PHF20: variants seen among roughly 807,000 people sequenced by gnomAD.
PHF20 encodes PHD finger protein 20, also known as glioma-expressed antigen 2.
PHF20 carries 23 observed loss-of-function variants against 113.5 expected under a neutral mutation model. That is an observed-to-expected ratio of 0.20 (90% CI 0.15 to 0.29). The LOEUF is 0.29. Ranked by LOEUF, PHF20 falls within the 10% of genes least tolerant of loss-of-function variation. PHF20 has a pLI of 1.00. For synonymous variants in PHF20, 434 were observed against 457.3 expected, an observed-to-expected ratio of 0.95 and a Z score of 0.65; for missense variants, 943 against 1,219.6, an observed-to-expected ratio of 0.77 and a Z score of 3.38.
chr20:35,811,657 T>G (rs2041979871), intron 2 of PHF20, among the ~76,000 whole-genome samples: 1 of 152,042 alleles, frequency 6.6e-6, no homozygotes, highest in Admixed American at 6.6e-5. Context: ...TTAGGCTGGT[T>G]GAGAACTCCT....
chr20:35,946,508 G>A (rs940775268), intron 17 of PHF20, among the ~76,000 whole-genome samples: 8 of 151,886 alleles, frequency 5.3e-5, no homozygotes, highest in African/African-American at 1.7e-4. Flanking sequence ...TGATGATTGC[G>A]TATCAATCAG....
chr20:35,776,005 T>C (rs1191132440), intron 1 of PHF20, among the ~76,000 whole-genome samples: 2 of 152,106 alleles, frequency 1.3e-5, no homozygotes, highest in African/African-American at 4.8e-5. Flanking sequence ...AGATGAGATC[T>C]TGCCATTTTG....
intron 3 of PHF20, among the ~76,000 whole-genome samples, chr20:35,843,012 G>A (rs1268970639): frequency 6.6e-6 from 1 of 152,028 alleles, no homozygotes; most frequent in Non-Finnish European, 1.5e-5. Flanking sequence ...GGGTTCAAGC[G>A]ATTCTCGTGC....
intron 4 of PHF20, among the ~76,000 whole-genome samples, chr20:35,857,835 C>T (rs551672439): frequency 2.0e-5 from 3 of 152,206 alleles, no homozygotes; most frequent in East Asian, 3.9e-4. Context: ...CCGCCTGCCT[C>T]GGCCTCCCAA....
Position 35,801,573 on chromosome 20 carries a change from C to G in PHF20, c.51C>G (p.Ala17=), listed in dbSNP as rs1212867325. 2 of 1,613,658 alleles carry G rather than the reference C, an allele frequency of 1.2e-6. No homozygotes were observed. The highest frequency in any genetic ancestry group is 8.5e-7 in the Non-Finnish European group (1 of 1,179,694). Residue 17 remains alanine (A), a synonymous_variant, in exon 2 of 18, where the codon GCC becomes GCG. Coordinates refer to ENST00000374012, the MANE Select transcript of PHF20 (RefSeq NM_016436.5). ...GAGGAATCAGCTTTGAAGTGGGAGC[C>G]CAGTTGGAAGCCCGGGACCGTTTAA... is the stretch of plus-strand genomic sequence containing the variant. ...NRRGISFEVG[A]QLEARDRLKN...
At chr20:35,813,375 A>C (rs2042011574) in intron 2 of PHF20, among the ~76,000 whole-genome samples, 1 of 152,132 alleles carries the variant, frequency 6.6e-6, no homozygotes, top group African/African-American at 2.4e-5. Flanking sequence ...ATTATCCCAA[A>C]TTTGTCCAGT....
chr20:35,796,438 A>G (rs1317627891), intron 1 of PHF20, among the ~76,000 whole-genome samples: 1 of 152,034 alleles, frequency 6.6e-6, no homozygotes, highest in Non-Finnish European at 1.5e-5. Flanking sequence ...CCTGGACTGT[A>G]TTCTTCAGCT....
At chr20:35,832,551 T>C (rs1028805858) in intron 2 of PHF20, among the ~76,000 whole-genome samples, 47 of 152,098 alleles carry the variant, frequency 3.1e-4, no homozygotes, top group Non-Finnish European at 5.3e-4. Context: ...TGGGGGCTAC[T>C]TGAGATAGTG....
chr20:35,792,777 A>G (rs2041582994), intron 1 of PHF20, among the ~76,000 whole-genome samples: 1 of 152,092 alleles, frequency 6.6e-6, no homozygotes, highest in Non-Finnish European at 1.5e-5. Context: ...GTATACCACC[A>G]TTGCCATCAC....
chr20:35,927,959 C>T, intron 14 of PHF20, 80 bp downstream of exon 14: 1 of 994,522 alleles, frequency 1.0e-6, no homozygotes, highest in Non-Finnish European at 1.6e-6. Flanking sequence ...TTCTAAATGT[C>T]TGCGGTCTTG....
rs2054414336 is a variant in PHF20, at chr20:35,871,132, A to G, written c.1100A>G (p.Glu367Gly). Residue 367 changes from glutamate (E) to glycine (G), a missense_variant and splice_region_variant, in exon 8 of 18, where the codon GAA becomes GGA. This residue lies in a region of PHF20 where 592 missense variants were observed against 787.2 expected (regional missense o/e 0.75). Coordinates refer to ENST00000374012, the MANE Select transcript of PHF20 (RefSeq NM_016436.5). ...TTGTCTAGTACCAAGGAATCTGAAGAAGGTGAGTCAGTCTGTTCAGGAATT... is the reference window on the plus strand; with the variant it reads ...TTGTCTAGTACCAAGGAATCTGAAGGAGGTGAGTCAGTCTGTTCAGGAATT... Reference protein sequence around the residue: ...DTLSSTKESEEGQLKSALEAG... With the variant: ...DTLSSTKESEGGQLKSALEAG... 1 of 1,607,034 alleles carries G rather than the reference A, an allele frequency of 6.2e-7. No individual in the cohort carries two copies. The highest frequency in any genetic ancestry group is 8.5e-7 in the Non-Finnish European group (1 of 1,178,288).
chr20:35,854,888 C>T (rs1165514644), intron 4 of PHF20, among the ~76,000 whole-genome samples: 1 of 152,162 alleles, frequency 6.6e-6, no homozygotes, highest in Non-Finnish European at 1.5e-5. Context: ...AGTCCTCCTT[C>T]TGGAATCTGC....
At chr20:35,777,288 T>C (rs1285090393) in intron 1 of PHF20, among the ~76,000 whole-genome samples, 5 of 152,158 alleles carry the variant, frequency 3.3e-5, no homozygotes, top group Admixed American at 6.6e-5. Flanking sequence ...CTTTGTTTTT[T>C]GGTTTGAATT....
At chr20:35,884,101 C>T (rs1011903510) in intron 9 of PHF20, among the ~76,000 whole-genome samples, 1 of 152,032 alleles carries the variant, frequency 6.6e-6, no homozygotes, top group East Asian at 1.9e-4. Flanking sequence ...ACAGGACGAT[C>T]CAGAAAGATT....
At chr20:35,784,433 C>CTTTTTT (rs35002007) in intron 1 of PHF20, among the ~76,000 whole-genome samples, 2 of 110,508 alleles carry the variant, frequency 1.8e-5, no homozygotes, top group Non-Finnish European at 3.5e-5. Flanking sequence ...ATCCCAAAGA[C>CTTTTTT]TTTTTTTTTT....
rs139564033 is a variant in PHF20, at chr20:35,810,825, A to G, written c.83+9220A>G. Among the ~76,000 whole-genome samples, 492 of 152,226 alleles carry G rather than the reference A, an allele frequency of 3.2e-3. 4 individuals are homozygous for G. The highest frequency in any genetic ancestry group is 0.011 in the African/African-American group (474 of 41,536). ...ATTTAATTGTTTGGTAAAATCTTTGACTTTGAATGCTTTGCCAAAAACAAT... is the reference window on the plus strand; with the variant it reads ...ATTTAATTGTTTGGTAAAATCTTTGGCTTTGAATGCTTTGCCAAAAACAAT... On this transcript the variant is annotated intron_variant, in intron 2 of 17. Transcript: ENST00000374012.
intron 10 of PHF20, among the ~76,000 whole-genome samples, chr20:35,911,338 G>A (rs903290187): frequency 2.6e-5 from 4 of 152,298 alleles, no homozygotes; most frequent in Admixed American, 6.5e-5. Context: ...CACTGCGCCC[G>A]GCCTGCTGTT....
At chr20:35,874,884 A>G (rs1352268251) in intron 9 of PHF20, among the ~76,000 whole-genome samples, 3 of 151,988 alleles carry the variant, frequency 2.0e-5, no homozygotes, top group Non-Finnish European at 4.4e-5. Context: ...CCAGGAGTTC[A>G]AGACTCGCTA....
intron 1 of PHF20, among the ~76,000 whole-genome samples, chr20:35,772,514 TA>T (rs2041081994): frequency 6.6e-6 from 1 of 152,234 alleles, no homozygotes; most frequent in Non-Finnish European, 1.5e-5. Context: ...TGGCTTTTTT[TA>T]TCCTATTCTG....
Sources: gnomAD v4.1 joint callset for allele counts (sites outside exome capture counted in the v4.1 genomes callset) on GRCh38, gnomAD v4.1.1 for gene constraint, gnomAD v4.1.1 regional missense constraint, MANE v1.5 for transcripts, NCBI Gene and HGNC (gene_info 2026-07-23, HGNC 2026-07-21) for gene names.